BOD1L1: variants seen among roughly 807,000 people sequenced by gnomAD.
BOD1L1 encodes the protein biorientation of chromosomes in cell division protein 1-like 1.
Under a neutral mutation model 240.7 loss-of-function variants are expected in BOD1L1, and 86 were observed. The ratio of observed to expected loss-of-function variants is 0.36; its 90% CI spans 0.30 to 0.43. BOD1L1 has a LOEUF of 0.43. Among genes scored for constraint, BOD1L1 ranks in the 20% least tolerant of loss-of-function variants. The pLI, the probability that BOD1L1 is intolerant of heterozygous loss-of-function variation, is 1.00. For missense variants in BOD1L1, 3,554 were observed against 3,643.5 expected (o/e 0.98, Z 0.63); for synonymous variants, 1,268 against 1,272.3 (o/e 1.00, Z 0.07).
In BOD1L1 at chr4:13,614,668, T is replaced by A. The variant is rs142359246; in HGVS notation, c.702A>T (p.Ser234=). The change falls in exon 4 of 26, where the codon TCA becomes TCT. Residue 234 remains serine, a synonymous_variant. Coordinates refer to ENST00000040738, the MANE Select transcript of BOD1L1 (RefSeq NM_148894.3). ...TSNAKTSERA[S]KKLPSQPTTD... is the part of the protein sequence containing the mutation. The stretch of plus-strand genomic sequence containing the variant: ...TGGTTGGCTGAGATGGAAGTTTTTT[T>A]GACGCTCTCTCACTGGTCTTGGCAT... 4.8e-4 allele frequency: 780 copies of A among 1,613,932 alleles called. 3 individuals carry two copies. The Middle Eastern group carries it at 5.3e-3, about 11-fold the overall frequency.
At position 13,601,434 on chromosome 4, in the gene BOD1L1, C is replaced by T. The variant is rs549726105; in HGVS notation, c.5466G>A (p.Ser1822=). ...SSEGFAISSE[S]EENGESAMDS... Reference sequence around the variant, plus strand: ...CCATTGCACTCTCTCCATTTTCTTCCGATTCAGAACTTATAGCAAAGCCTT... The same window carrying T: ...CCATTGCACTCTCTCCATTTTCTTCTGATTCAGAACTTATAGCAAAGCCTT... Residue 1822 remains serine (S), a synonymous_variant, in exon 10 of 26, where the codon TCG becomes TCA. Transcript: ENST00000040738. 1.3e-4 allele frequency: 207 copies of T among 1,614,008 alleles called. No homozygotes were observed. The highest frequency in any genetic ancestry group is 2.9e-4 in the East Asian group (13 of 44,878).
Position 13,613,890 on chromosome 4 carries a change from C to G in BOD1L1, c.1175-229G>C, listed in dbSNP as rs556150326. On this transcript the variant is annotated intron_variant, in intron 4 of 25. Transcript: ENST00000040738. The surrounding 1 kb of genome is among the most constrained non-coding windows in gnomAD (Gnocchi z 4.0). ...TAATAATAAAATGAATTTTAAGTAA[C>G]TGAAGTATTTACTACCTAATAAAAA... is the stretch of plus-strand genomic sequence containing the variant. Among the ~76,000 whole-genome samples, 60 of 152,118 alleles carry G rather than the reference C, an allele frequency of 3.9e-4. No individual in the cohort carries two copies. Among genetic ancestry groups the G allele is most frequent in the African/African-American group, 1.3e-3 (55 of 41,512 alleles).
At position 13,604,330 on chromosome 4, in the gene BOD1L1, G is replaced by A; in HGVS notation, c.2570C>T (p.Ser857Phe). 2 of 1,585,364 alleles carry A rather than the reference G, an allele frequency of 1.3e-6. No individual in the cohort carries two copies. Among genetic ancestry groups the A allele is most frequent in the Middle Eastern group, 1.7e-4 (1 of 5,894 alleles). ...DSKIQKDSLG[S>F]KQHGITLQRR... ...CTGTAATGTGATACCATGTTGCTTG[G>A]AACCCAGAGAATCTTTCTGAATTTT... is the stretch of plus-strand genomic sequence containing the variant. The change falls in exon 10 of 26, where the codon TCC becomes TTC. Residue 857 changes from serine (S) to phenylalanine (F), a missense_variant. Transcript: ENST00000040738.
At position 13,587,751 on chromosome 4, in the gene BOD1L1, A is replaced by T. The variant is rs1196994576; in HGVS notation, c.8301T>A (p.His2767Gln). The change falls in exon 16 of 26, where the codon CAT (histidine) becomes CAA (glutamine). Residue 2767 changes from histidine to glutamine, a missense_variant. His to Gln is a conservative substitution (Grantham distance 24). Coordinates refer to ENST00000040738, the MANE Select transcript of BOD1L1 (RefSeq NM_148894.3). ...DPKEVEEEER[H>Q]MPKRKRKQHY... ...GCTGCTTTCTTTTTCTTTTAGGCAT[A>T]TGCCTTTCTTCCTCTTCAACCTGGA... 7.1e-6 allele frequency: 11 copies of T among 1,558,020 alleles called. No individual in the cohort carries two copies. The East Asian group carries it at 2.6e-4, about 37-fold the overall frequency.
intron 13 of BOD1L1, 53 bp from the exon 14 acceptor site, chr4:13,590,499 G>T: frequency 1.1e-6 from 1 of 933,354 alleles, no homozygotes; most frequent in South Asian, 1.9e-5. Flanking sequence ...AAATTTAAAG[G>T]CAAAAAGAAA....
chr4:13,610,808 A>G (rs892891094), intron 6 of BOD1L1, 126 bp downstream of exon 6: 1 of 684,236 alleles, frequency 1.5e-6, no homozygotes, highest in Non-Finnish European at 2.3e-6. Context: ...TAGTTAAATG[A>G]CAAGTTTCCT....
chr4:13,609,644 T>C lies in BOD1L1; in HGVS notation c.1492-238A>G, dbSNP rs571000090. Among the ~76,000 whole-genome samples the C allele has an allele frequency of 2.0e-5, 3 of 152,236 alleles. No individual in the cohort carries two copies. The South Asian group carries it at 6.2e-4, about 32-fold the overall frequency. On this transcript the variant is annotated intron_variant, in intron 6 of 25. Coordinates refer to ENST00000040738, the MANE Select transcript of BOD1L1 (RefSeq NM_148894.3). The stretch of plus-strand genomic sequence containing the variant: ...GAATAGAAGAAACAGATGTGAAAAT[T>C]TGCCATTACTCTTTAAGAATGCCAT...
intron 25 of BOD1L1, among the ~76,000 whole-genome samples, chr4:13,574,428 T>C (rs185125870): frequency 6.6e-6 from 1 of 152,318 alleles, no homozygotes; most frequent in Admixed American, 6.5e-5. Context: ...AAGTTTATAT[T>C]ATAAAGTGCA....
chr4:13,599,901 G>C lies in BOD1L1; in HGVS notation c.6999C>G (p.Ser2333Arg). 1.2e-6 allele frequency: 2 copies of C among 1,613,908 alleles called. No individual in the cohort carries two copies. The highest frequency in any genetic ancestry group is 1.7e-6 in the Non-Finnish European group (2 of 1,179,850). Residue 2333 changes from serine to arginine, a missense_variant, in exon 10 of 26, where the codon AGC becomes AGG. By Grantham distance (110) the Ser-to-Arg change is moderately radical. Around this residue, in one of 2 missense-constraint regions of BOD1L1, gnomAD observed 3,393 missense variants for 3,427.1 expected, o/e 0.99. Coordinates refer to ENST00000040738, the MANE Select transcript of BOD1L1 (RefSeq NM_148894.3). ...DLSDAAIIST[S>R]TAECMPISAS... ...CGGAAATTGGCATACATTCTGCTGT[G>C]CTGGTGGAGATGATGGCAGCATCGC...
intron 9 of BOD1L1, among the ~76,000 whole-genome samples, chr4:13,606,557 T>C (rs943220733): frequency 6.6e-6 from 1 of 152,228 alleles, no homozygotes; most frequent in Non-Finnish European, 1.5e-5. Context: ...TTACTTTTAC[T>C]GTTTAAAATG....
intron 8 of BOD1L1, among the ~76,000 whole-genome samples, chr4:13,607,587 C>T (rs572600448): frequency 9.9e-5 from 15 of 152,160 alleles, no homozygotes; most frequent in Admixed American, 2.6e-4. Context: ...CGTGAGCCAC[C>T]GCGCCCAGCT....
chr4:13,611,963 T>C (rs1454802813), intron 5 of BOD1L1, among the ~76,000 whole-genome samples: 1 of 152,316 alleles, frequency 6.6e-6, no homozygotes, highest in African/African-American at 2.4e-5. Flanking sequence ...CTTCTCACTT[T>C]TTAAATCCCA....
At chr4:13,575,101 A>G (rs1461646806) in intron 25 of BOD1L1, among the ~76,000 whole-genome samples, 1 of 151,850 alleles carries the variant, frequency 6.6e-6, no homozygotes, top group East Asian at 2.0e-4. Flanking sequence ...TTATATTTTT[A>G]GTAGAGATGG....
chr4:13,582,369 TTACCCAGGTGACC>T (rs967420899), intron 18 of BOD1L1, 59 bp from the exon 19 acceptor site: 2 of 1,346,574 alleles, frequency 1.5e-6, no homozygotes. Flanking sequence ...TTCCCCACCT[TTACCCAGGTGACC>T]TACACAGCTG....
chr4:13,605,158 G>C (rs1473761207), intron 9 of BOD1L1, 74 bp from the exon 10 acceptor site: 1 of 1,269,094 alleles, frequency 7.9e-7, no homozygotes, highest in Non-Finnish European at 1.0e-6. Flanking sequence ...CATTTGGGTG[G>C]ATTTAATATG....
chr4:13,603,590 T>C lies in BOD1L1; in HGVS notation c.3310A>G (p.Arg1104Gly). The C allele has an allele frequency of 6.2e-7, 1 of 1,614,042 alleles. No individual in the cohort carries two copies. Among genetic ancestry groups the C allele is most frequent in the Non-Finnish European group, 8.5e-7 (1 of 1,179,884 alleles). Residue 1104 changes from arginine (R) to glycine (G), a missense_variant, in exon 10 of 26, where the codon AGA becomes GGA. Arg to Gly is a moderately radical substitution (Grantham distance 125). Transcript: ENST00000040738. ...LSTPSGSSLQ[R>G]PKKSGDMTLI... is the part of the protein sequence containing the mutation. ...GTCATATCACCACTCTTTTTTGGTCTCTGAAGGGAGGAACCGCTGGGAGTG... is the reference window on the plus strand; with the variant it reads ...GTCATATCACCACTCTTTTTTGGTCCCTGAAGGGAGGAACCGCTGGGAGTG...
rs768523320 is a variant in BOD1L1 at position 13,602,366 on chromosome 4, C to T, written c.4534G>A (p.Ala1512Thr). The T allele has an allele frequency of 2.2e-5, 36 of 1,613,790 alleles. No homozygotes were observed. Among genetic ancestry groups the T allele is most frequent in the Non-Finnish European group, 2.9e-5 (34 of 1,179,834 alleles). Residue 1512 changes from alanine (A) to threonine (T), a missense_variant, in exon 10 of 26, where the codon GCA (alanine) becomes ACA (threonine). Around this residue, in one of 2 missense-constraint regions of BOD1L1, gnomAD observed 3,393 missense variants for 3,427.1 expected, o/e 0.99. Transcript: ENST00000040738. ...CTAGTGGCAACAGAAGTCTTTTCTGCTCTCCTAGGCCCAGTTGCCACATCC... is the reference window on the plus strand; with the variant it reads ...CTAGTGGCAACAGAAGTCTTTTCTGTTCTCCTAGGCCCAGTTGCCACATCC... ...TEDVATGPRR[A>T]EKTSVATSTE...
At chr4:13,610,900 A>G (rs779639715) in intron 6 of BOD1L1, 34 bp downstream of exon 6, 4 of 1,547,220 alleles carry the variant, frequency 2.6e-6, no homozygotes, top group Middle Eastern at 1.7e-4. Context: ...AACCTGATGT[A>G]GTAGGTTAAA....
intron 21 of BOD1L1, among the ~76,000 whole-genome samples, chr4:13,580,217 G>A (rs532384640): frequency 2.0e-5 from 3 of 152,316 alleles, no homozygotes; most frequent in African/African-American, 7.2e-5. Flanking sequence ...AGGCAATGCA[G>A]CATGGCCACT....
Sources: allele counts gnomAD v4.1 joint callset (sites outside exome capture counted in the v4.1 genomes callset), GRCh38; gene constraint gnomAD v4.1.1; regional missense constraint gnomAD v4.1.1; non-coding constraint Gnocchi (gnomAD v3.1); transcripts MANE v1.5; gene names NCBI Gene and HGNC (gene_info 2026-07-23, HGNC 2026-07-21).